CASZ1: variants seen among roughly 807,000 people sequenced by gnomAD.
The protein encoded by CASZ1 is zinc finger protein castor homolog 1.
Under a neutral mutation model 135.2 loss-of-function variants are expected in CASZ1, and 28 were observed. The ratio of observed to expected loss-of-function variants is 0.21; its 90% CI spans 0.15 to 0.28. The LOEUF is 0.28. CASZ1 is among the 10% of genes least tolerant of loss of function. The probability of loss-of-function intolerance (pLI) is 1.00; values close to 1 mark genes in which losing one functional copy is unlikely to be tolerated. For missense variants in CASZ1, 2,161 were observed against 2,453.3 expected, an observed-to-expected ratio of 0.88 and a Z score of 2.52; for synonymous variants, 1,068 against 1,073.4, an observed-to-expected ratio of 0.99 and a Z score of 0.10.
At chr1:10,745,780 C>CGA (rs1640028454) in intron 2 of CASZ1, among the ~76,000 whole-genome samples, 1 of 152,112 alleles carries the variant, frequency 6.6e-6, no homozygotes, top group African/African-American at 2.4e-5. Flanking sequence ...CACCTATGGC[C>CGA]CTACGGGTCT....
chr1:10,785,326 T>C (rs772492589), intron 1 of CASZ1, among the ~76,000 whole-genome samples: 11 of 151,768 alleles, frequency 7.2e-5, no homozygotes, highest in South Asian at 2.1e-4. Flanking sequence ...ATTTCTTTCT[T>C]AGAAAAAAGC....
chr1:10,704,772 G>T (rs1181591108), intron 3 of CASZ1, among the ~76,000 whole-genome samples: 1 of 152,236 alleles, frequency 6.6e-6, no homozygotes, highest in Non-Finnish European at 1.5e-5. Flanking sequence ...TAACACTGGC[G>T]TTCCACCGGT....
At chr1:10,658,876 C>T (rs2100252294) in intron 6 of CASZ1, among the ~76,000 whole-genome samples, 1 of 152,336 alleles carries the variant, frequency 6.6e-6, no homozygotes, top group Admixed American at 6.5e-5. Flanking sequence ...CATCAGGAGG[C>T]CGCTGGCTGA....
intron 1 of CASZ1, among the ~76,000 whole-genome samples, chr1:10,793,464 C>T (rs1293265086): frequency 1.3e-5 from 2 of 151,972 alleles, no homozygotes; most frequent in East Asian, 3.8e-4. Context: ...AACAAACAAA[C>T]AAGGCAAGGG....
In CASZ1 at chr1:10,693,898, C is replaced by T. The variant is rs750627344; in HGVS notation, c.-9G>A. On this transcript the variant is annotated 5_prime_UTR_variant, in exon 4 of 21. Transcript: ENST00000377022. Reference sequence around the variant, plus strand: ...CCTGTTCCAAGATCCATTCTCTTCTCCTTGGTCCCAAACTCTTCGCAGAAC... The same window carrying T: ...CCTGTTCCAAGATCCATTCTCTTCTTCTTGGTCCCAAACTCTTCGCAGAAC... The T allele has an allele frequency of 4.1e-5, 66 of 1,613,250 alleles. No individual in the cohort carries two copies. The highest frequency in any genetic ancestry group is 5.1e-5 in the Non-Finnish European group (60 of 1,179,616).
intron 12 of CASZ1, 88 bp from the exon 13 acceptor site, chr1:10,650,843 AGCC>A: frequency 6.3e-7 from 1 of 1,598,034 alleles, no homozygotes; most frequent in Admixed American, 1.7e-5. Flanking sequence ...CTGGGGCTCC[AGCC>A]GAGCCCGCTG....
In CASZ1 at chr1:10,725,797, T is replaced by C. The variant is rs1340451845; in HGVS notation, c.-76-20253A>G. 7.2e-6 allele frequency among the ~76,000 whole-genome samples: 1 copy of C among 139,736 alleles called. No individual in the cohort carries two copies. The highest frequency in any genetic ancestry group is 1.6e-5 in the Non-Finnish European group (1 of 64,336). The allele number at this position is 139,736 out of a possible 152,430, so 91.7% of individuals were successfully genotyped here. ...CAGGTGAGTGACAAGACAGCGGCAG[T>C]GGGGTGGGGAGGGAATGGCAAGGGG... On this transcript the variant is annotated intron_variant, in intron 2 of 20. Coordinates refer to ENST00000377022, the MANE Select transcript of CASZ1 (RefSeq NM_001079843.3). This position sits in a 1 kb window ranked among gnomAD's most constrained non-coding sequence, Gnocchi z 4.4.
rs1399826709 is a variant in CASZ1, at chr1:10,726,250, A to C, written c.-76-20706T>G. On this transcript the variant is annotated intron_variant, in intron 2 of 20. Transcript: ENST00000377022. The surrounding 1 kb of genome is among the most constrained non-coding windows in gnomAD (Gnocchi z 5.7). Reference sequence around the variant, plus strand: ...CATTAAACAGCAACAGAAACCCTGTAGGAGACACCACTGTTCATGCCCTCA... The same window carrying C: ...CATTAAACAGCAACAGAAACCCTGTCGGAGACACCACTGTTCATGCCCTCA... 6.6e-6 allele frequency among the ~76,000 whole-genome samples: 1 copy of C among 152,184 alleles called. No homozygotes were observed. Among genetic ancestry groups the C allele is most frequent in the African/African-American group, 2.4e-5 (1 of 41,452 alleles).
At chr1:10,766,450 C>T (rs1027210808) in intron 1 of CASZ1, among the ~76,000 whole-genome samples, 3 of 152,174 alleles carry the variant, frequency 2.0e-5, no homozygotes, top group Admixed American at 6.5e-5. Flanking sequence ...TGGCTTCTTA[C>T]GTGTAACATG....
Position 10,788,424 on chromosome 1 carries a change from G to A in CASZ1, c.-234+8140C>T, listed in dbSNP as rs1341913362. 6.6e-6 allele frequency among the ~76,000 whole-genome samples: 1 copy of A among 152,186 alleles called. No individual in the cohort carries two copies. Among genetic ancestry groups the A allele is most frequent in the Non-Finnish European group, 1.5e-5 (1 of 68,024 alleles). ...TGGAGAATTGGAAAGAAGCCCACCA[G>A]AGCAGGGGGCCCTAGAGGGTCCTTA... On this transcript the variant is annotated intron_variant, in intron 1 of 20. Coordinates refer to ENST00000377022, the MANE Select transcript of CASZ1 (RefSeq NM_001079843.3). This position sits in a 1 kb window ranked among gnomAD's most constrained non-coding sequence, Gnocchi z 4.1.
chr1:10,756,011 C>G lies in CASZ1; in HGVS notation c.-77+4690G>C, dbSNP rs531989827. Among the ~76,000 whole-genome samples, 1 of 152,158 alleles carries G rather than the reference C, an allele frequency of 6.6e-6. No homozygotes were observed. Among genetic ancestry groups the G allele is most frequent in the Non-Finnish European group, 1.5e-5 (1 of 68,008 alleles). ...AGGCGGAAAGCAGAAAAACCTCCCACGCGTGCACAGATGCACACGCCTCCC... is the reference window on the plus strand; with the variant it reads ...AGGCGGAAAGCAGAAAAACCTCCCAGGCGTGCACAGATGCACACGCCTCCC... On this transcript the variant is annotated intron_variant, in intron 2 of 20. Transcript: ENST00000377022. The surrounding 1 kb of genome is among the most constrained non-coding windows in gnomAD (Gnocchi z 5.9).
At chr1:10,667,135 G>A (rs191213578) in intron 4 of CASZ1, among the ~76,000 whole-genome samples, 161 of 152,332 alleles carry the variant, frequency 1.1e-3, no homozygotes, top group Non-Finnish European at 1.9e-3. Flanking sequence ...ACCCAGGCGG[G>A]AATGGCAATA....
intron 9 of CASZ1, 121 bp downstream of exon 9, chr1:10,655,528 C>T: frequency 1.1e-6 from 1 of 938,644 alleles, no homozygotes; most frequent in South Asian, 1.7e-5. Flanking sequence ...GAAAGAGAGG[C>T]TCCTGATCAA....
chr1:10,678,513 G>A (rs546395927), intron 4 of CASZ1, among the ~76,000 whole-genome samples: 26 of 152,272 alleles, frequency 1.7e-4, no homozygotes, highest in Admixed American at 6.5e-4. Context: ...GCCCGAGGCC[G>A]GGGCTGAAGA....
chr1:10,794,685 G>T lies in CASZ1; in HGVS notation c.-234+1879C>A, dbSNP rs1177600932. On this transcript the variant is annotated intron_variant, in intron 1 of 20. Transcript: ENST00000377022. This position sits in a 1 kb window ranked among gnomAD's most constrained non-coding sequence, Gnocchi z 5.6. ...CGCTCCACTAGCCTCCCCCAACTCCGGACCCGGGTCGGGGATGACTTGGAA... is the reference window on the plus strand; with the variant it reads ...CGCTCCACTAGCCTCCCCCAACTCCTGACCCGGGTCGGGGATGACTTGGAA... 6.6e-6 allele frequency among the ~76,000 whole-genome samples: 1 copy of T among 152,188 alleles called. No individual in the cohort carries two copies. Among genetic ancestry groups the T allele is most frequent in the Non-Finnish European group, 1.5e-5 (1 of 68,016 alleles).
At chr1:10,754,179 T>C (rs918426451) in intron 2 of CASZ1, among the ~76,000 whole-genome samples, 4 of 152,208 alleles carry the variant, frequency 2.6e-5, no homozygotes, top group African/African-American at 9.6e-5. Flanking sequence ...ACATCTAAAA[T>C]GACAAACCAT....
intron 4 of CASZ1, among the ~76,000 whole-genome samples, chr1:10,670,139 C>G (rs1643357129): frequency 6.6e-6 from 1 of 152,212 alleles, no homozygotes; most frequent in Non-Finnish European, 1.5e-5. Context: ...TCGGGGGCCA[C>G]TCTGGTAGCT....
chr1:10,703,912 T>G (rs1335721962), intron 3 of CASZ1, among the ~76,000 whole-genome samples: 1 of 152,166 alleles, frequency 6.6e-6, no homozygotes, highest in Non-Finnish European at 1.5e-5. Context: ...AGACTGTGGG[T>G]CAAAGGGCTC....
intron 1 of CASZ1, among the ~76,000 whole-genome samples, chr1:10,795,214 G>T (rs1349696482): frequency 6.7e-6 from 1 of 149,982 alleles, no homozygotes; most frequent in African/African-American, 2.5e-5. Flanking sequence ...ATTCCCGCGC[G>T]CCCCCTGGAT....
Sources: gnomAD v4.1 joint callset for allele counts (sites outside exome capture counted in the v4.1 genomes callset) on GRCh38, gnomAD v4.1.1 for gene constraint, Gnocchi (gnomAD v3.1) non-coding constraint, MANE v1.5 for transcripts, NCBI Gene and HGNC (gene_info 2026-07-23, HGNC 2026-07-21) for gene names.